ATOSA: variants seen among roughly 807,000 people sequenced by gnomAD.
ATOSA encodes the protein atos homolog protein A.
At chr15:52,654,724 T>C in the ATOSA span, among the ~76,000 whole-genome samples, 1 of 152,074 alleles carries the variant, frequency 6.6e-6, no homozygotes, top group Non-Finnish European at 1.5e-5. Flanking sequence ...AAATATAAAA[T>C]GGGAAAATTT....
the ATOSA span, among the ~76,000 whole-genome samples, chr15:52,620,327 T>G: frequency 6.6e-6 from 1 of 152,174 alleles, no homozygotes; most frequent in Admixed American, 6.5e-5. Context: ...CTCTGAGAAT[T>G]TATTCTTTGT....
At chr15:52,661,939 A>AAAAAAAAAAAAAAAAAAC in the ATOSA span, among the ~76,000 whole-genome samples, 1 of 151,138 alleles carries the variant, frequency 6.6e-6, no homozygotes, top group Non-Finnish European at 1.5e-5. Context: ...GCCAAAAAAA[A>AAAAAAAAAAAAAAAAAAC]AAAAAAAAAA....
chr15:52,679,851 G>A, the ATOSA span, among the ~76,000 whole-genome samples: 1 of 130,522 alleles, frequency 7.7e-6, no homozygotes, highest in Non-Finnish European at 1.6e-5. Context: ...CCGGGATGCT[G>A]GCACAGAGTT....
the ATOSA span, among the ~76,000 whole-genome samples, chr15:52,665,981 AT>A: frequency 1.1e-4 from 17 of 152,210 alleles, no homozygotes; most frequent in Admixed American, 2.0e-4. Context: ...TAATTAAAAA[AT>A]ATACTATTAA....
At chr15:52,596,415 G>T in the ATOSA span, among the ~76,000 whole-genome samples, 5 of 152,172 alleles carry the variant, frequency 3.3e-5, no homozygotes, top group African/African-American at 1.2e-4. Context: ...CTGATTTCAA[G>T]ACTAGAAAAT....
chr15:52,661,861 A>G, the ATOSA span, among the ~76,000 whole-genome samples: 3 of 146,376 alleles, frequency 2.0e-5, no homozygotes, highest in South Asian at 2.2e-4. Flanking sequence ...CAACTTAAGA[A>G]GGACACACAT....
the ATOSA span, among the ~76,000 whole-genome samples, chr15:52,628,753 T>C: frequency 6.6e-6 from 1 of 152,064 alleles, no homozygotes; most frequent in Non-Finnish European, 1.5e-5. Context: ...TTTATGTATC[T>C]TCCATTAAAA....
the ATOSA span, among the ~76,000 whole-genome samples, chr15:52,645,350 G>GCTC: frequency 6.6e-6 from 1 of 152,268 alleles, no homozygotes; most frequent in South Asian, 2.1e-4. Context: ...GAGGCGGTAG[G>GCTC]ATTGCTTGAA....
At chr15:52,642,517 G>C in the ATOSA span, among the ~76,000 whole-genome samples, 1 of 152,124 alleles carries the variant, frequency 6.6e-6, no homozygotes, top group Admixed American at 6.5e-5. Flanking sequence ...GTATCAGTTT[G>C]GCCACAAGCA....
chr15:52,587,826 A>G, the ATOSA span, among the ~76,000 whole-genome samples: 1 of 152,254 alleles, frequency 6.6e-6, no homozygotes, highest in African/African-American at 2.4e-5. Context: ...GGAATGTTCT[A>G]TAGTAAAGCT....
At chr15:52,661,022 G>A in the ATOSA span, among the ~76,000 whole-genome samples, 4 of 152,016 alleles carry the variant, frequency 2.6e-5, no homozygotes, top group Admixed American at 2.6e-4. Flanking sequence ...CTTTAAGTAG[G>A]TATTATCACT....
At chr15:52,655,994 T>C in the ATOSA span, 1 of 152,132 alleles carries the variant, frequency 6.6e-6, no homozygotes, top group African/African-American at 2.4e-5. Flanking sequence ...CTACATGATG[T>C]GACCATATGT....
At chr15:52,660,530 T>C in the ATOSA span, among the ~76,000 whole-genome samples, 1 of 152,250 alleles carries the variant, frequency 6.6e-6, no homozygotes, top group African/African-American at 2.4e-5. Flanking sequence ...GTCACTCTCT[T>C]AGCCTTCGTA....
chr15:52,584,322 A>G, the ATOSA span, among the ~76,000 whole-genome samples: 1 of 151,850 alleles, frequency 6.6e-6, no homozygotes, highest in East Asian at 1.9e-4. Context: ...TTGTATTTTT[A>G]GTAGAGACAG....
At chr15:52,701,580 A>T in the ATOSA span, among the ~76,000 whole-genome samples, 1 of 152,238 alleles carries the variant, frequency 6.6e-6, no homozygotes, top group Non-Finnish European at 1.5e-5. Context: ...AGTAAACTTC[A>T]AATGATCAGA....
At chr15:52,637,507 T>C in the ATOSA span, among the ~76,000 whole-genome samples, 4 of 152,336 alleles carry the variant, frequency 2.6e-5, no homozygotes, top group East Asian at 5.8e-4. Context: ...TTGAGTCTTA[T>C]AAATTGTACC....
the ATOSA span, chr15:52,649,349 A>G: frequency 6.6e-6 from 1 of 152,206 alleles, no homozygotes; most frequent in Non-Finnish European, 1.5e-5. Flanking sequence ...TAATACCTGA[A>G]GTAGGAACGA....
the ATOSA span, among the ~76,000 whole-genome samples, chr15:52,670,650 T>G: frequency 6.6e-6 from 1 of 152,218 alleles, no homozygotes; most frequent in East Asian, 1.9e-4. Context: ...TCTGTCAGGA[T>G]AGCAAGAGGA....
the ATOSA span, chr15:52,582,274 G>T: frequency 6.3e-7 from 1 of 1,589,828 alleles, no homozygotes; most frequent in Non-Finnish European, 8.5e-7. Context: ...CGTCTCTATG[G>T]AGGTAGATCT....
Sources: gnomAD v4.1 joint callset for allele counts (sites outside exome capture counted in the v4.1 genomes callset) on GRCh38, gnomAD v4.1.1 for gene constraint, MANE v1.5 for transcripts, NCBI Gene and HGNC (gene_info 2026-07-23, HGNC 2026-07-21) for gene names.